ATG9A: variants seen among roughly 807,000 people sequenced by gnomAD.
ATG9A encodes autophagy-related protein 9A.
In ATG9A, 21 loss-of-function variants were observed where a neutral mutation model predicts 87.1. The observed-to-expected ratio is 0.24, with a 90% CI of 0.17 to 0.35. The LOEUF (loss-of-function observed/expected upper bound fraction) is 0.35. ATG9A is among the 10% of genes least tolerant of loss of function. ATG9A has a pLI of 1.00. For synonymous variants in ATG9A, 422 were observed against 441.3 expected, an observed-to-expected ratio of 0.96 and a Z score of 0.55; for missense variants, 836 against 1,107.3, an observed-to-expected ratio of 0.76 and a Z score of 3.48.
Position 219,224,518 on chromosome 2 carries a change from G to A in ATG9A, c.853C>T (p.Arg285Cys), listed in dbSNP as rs61747685. 3.1e-6 allele frequency: 5 copies of A among 1,614,048 alleles called. No individual in the cohort carries two copies. The highest frequency in any genetic ancestry group is 2.2e-5 in the South Asian group (2 of 91,080). The change falls in exon 8 of 16, where the codon CGC (arginine) becomes TGC (cysteine). Residue 285 changes from arginine (R) to cysteine (C), a missense_variant. Coordinates refer to ENST00000361242, the MANE Select transcript of ATG9A (RefSeq NM_001077198.3). The surrounding 1 kb of genome is among the most constrained non-coding windows in gnomAD (Gnocchi z 7.7). ...RGGQRLELAQ[R>C]LSNRILWIGI... Reference sequence around the variant, plus strand: ...ATCCACAGGATGCGGTTGCTGAGGCGCTGGGCCAGCTCTAGCCGTTGCCCC... The same window carrying A: ...ATCCACAGGATGCGGTTGCTGAGGCACTGGGCCAGCTCTAGCCGTTGCCCC...
Position 219,222,436 on chromosome 2 carries a change from G to C in ATG9A, c.1863C>G (p.Ile621Met). 1.3e-6 allele frequency: 2 copies of C among 1,569,898 alleles called. No homozygotes were observed. The highest frequency in any genetic ancestry group is 2.2e-5 in the East Asian group (1 of 44,506). The change falls in exon 12 of 16, where the codon ATC (isoleucine) becomes ATG (methionine). Residue 621 changes from isoleucine (I) to methionine (M), a missense_variant. Ile to Met is a conservative substitution (Grantham distance 10). Around this residue, in one of 2 missense-constraint regions of ATG9A, gnomAD observed 324 missense variants for 347.6 expected, o/e 0.93. Transcript: ENST00000361242. The surrounding 1 kb of genome is among the most constrained non-coding windows in gnomAD (Gnocchi z 4.3). ...AGGATGAGCCAGCTACCACATTTGC[G>C]ATAAGGCTCAGGGGCTATGAACGAA... Reference protein sequence around the residue: ...LQSESEPLSLIANVVAGSSCR... With the variant: ...LQSESEPLSLMANVVAGSSCR...
chr2:219,220,985 C>T (rs1362580869), intron 14 of ATG9A, 93 bp from the exon 15 acceptor site: 4 of 1,592,068 alleles, frequency 2.5e-6, no homozygotes, highest in Non-Finnish European at 2.6e-6. Context: ...AGTCTTTGGG[C>T]CTGTTCTCTC....
chr2:219,221,279 A>C lies in ATG9A; in HGVS notation c.2169T>G (p.Ala723=), dbSNP rs1476871102. Residue 723 remains alanine (A), a synonymous_variant, in exon 14 of 16, where the codon GCT becomes GCG. Transcript: ENST00000361242. Reference sequence around the variant, plus strand: ...GGTGCCATACATGCCGCTCAGGTTCAGCCTGGGCCTGCTGCTTGTGGAGCT... The same window carrying C: ...GGTGCCATACATGCCGCTCAGGTTCCGCCTGGGCCTGCTGCTTGTGGAGCT... ...MHQLHKQQAQ[A]EPERHVWHRR... 4 of 1,565,042 alleles carry C rather than the reference A, an allele frequency of 2.6e-6. No homozygotes were observed. The African/African-American group carries it at 4.1e-5, about 16-fold the overall frequency.
rs1382701842 is a variant in ATG9A at position 219,224,399 on chromosome 2, C to T, written c.972G>A (p.Pro324=). ...ACCAGCAGCGTGCTCCCAGGGCCCC[C>T]GGCTCCCGCTTCAGCACCTCAGCAT... is the stretch of plus-strand genomic sequence containing the variant. The part of the protein sequence containing the change: ...FSYAEVLKRE[P]GALGARCWSL... Residue 324 remains proline, a synonymous_variant, in exon 8 of 16, where the codon CCG becomes CCA. Transcript: ENST00000361242. This position sits in a 1 kb window ranked among gnomAD's most constrained non-coding sequence, Gnocchi z 7.7. The T allele has an allele frequency of 3.1e-6, 5 of 1,613,948 alleles. No homozygotes were observed. The highest frequency in any genetic ancestry group is 2.2e-5 in the East Asian group (1 of 44,882).
chr2:219,227,776 G>T lies in ATG9A; in HGVS notation c.141C>A (p.Phe47Leu). Reference sequence around the variant, plus strand: ...TCAGAAACACAAAGGATATTCGAGAGAAGAAGAGGTCAAGGTTTTCAATAT... The same window carrying T: ...TCAGAAACACAAAGGATATTCGAGATAAGAAGAGGTCAAGGTTTTCAATAT... The part of the protein sequence containing the change: ...WHHIENLDLF[F>L]SRVYNLHQKN... The change falls in exon 4 of 16, where the codon TTC becomes TTA. Residue 47 changes from phenylalanine (F) to leucine (L), a missense_variant. This residue lies in a region of ATG9A where 512 missense variants were observed against 759.6 expected (regional missense o/e 0.67). Transcript: ENST00000361242. 6.2e-7 allele frequency: 1 copy of T among 1,614,086 alleles called. No homozygotes were observed. Among genetic ancestry groups the T allele is most frequent in the Non-Finnish European group, 8.5e-7 (1 of 1,179,936 alleles).
At chr2:219,220,522 AACC>A in intron 15 of ATG9A, 70 bp from the exon 16 acceptor site, 3 of 1,595,658 alleles carry the variant, frequency 1.9e-6, no homozygotes, top group Non-Finnish European at 2.6e-6. Flanking sequence ...GCCCCATAGA[AACC>A]TAGAGGTAAA....
At position 219,222,191 on chromosome 2, in the gene ATG9A, C is replaced by T. The variant is rs778410473; in HGVS notation, c.2028-24G>A. 14 of 1,613,148 alleles carry T rather than the reference C, an allele frequency of 8.7e-6. No homozygotes were observed. The South Asian group carries it at 1.4e-4, about 16-fold the overall frequency. ...CCCTGTCTCTCCCAACAGAGACAGA[C>T]AGCAGCTGTGAACTTCTCTGAGACC... On this transcript the variant is annotated intron_variant, in intron 12 of 15. Transcript: ENST00000361242. This position sits in a 1 kb window ranked among gnomAD's most constrained non-coding sequence, Gnocchi z 4.3.
In ATG9A at chr2:219,224,627, C is replaced by T; in HGVS notation, c.744G>A (p.Lys248=). The T allele has an allele frequency of 1.9e-6, 3 of 1,614,204 alleles. No homozygotes were observed. The highest frequency in any genetic ancestry group is 2.5e-6 in the Non-Finnish European group (3 of 1,180,044). Reference sequence around the variant, plus strand: ...AGAAGAGGATCAGCTCAAAGTTGTACTTGAGACCACGGGTGAAGAAGACAG... The same window carrying T: ...AGAAGAGGATCAGCTCAAAGTTGTATTTGAGACCACGGGTGAAGAAGACAG... ...GEAVFFTRGL[K]YNFELILFWG... The change falls in exon 8 of 16, where the codon AAG becomes AAA. Residue 248 remains lysine (K), a synonymous_variant. Coordinates refer to ENST00000361242, the MANE Select transcript of ATG9A (RefSeq NM_001077198.3). This position sits in a 1 kb window ranked among gnomAD's most constrained non-coding sequence, Gnocchi z 7.7.
At position 219,224,608 on chromosome 2, in the gene ATG9A, G is replaced by A. The variant is rs964785045; in HGVS notation, c.763C>T (p.Leu255Phe). The A allele has an allele frequency of 2.5e-6, 4 of 1,614,078 alleles. No homozygotes were observed. The highest frequency in any genetic ancestry group is 2.7e-5 in the African/African-American group (2 of 74,940). The stretch of plus-strand genomic sequence containing the variant: ...AACAGAGAGCCAGGTCCCCAGAAGA[G>A]GATCAGCTCAAAGTTGTACTTGAGA... ...RGLKYNFELI[L>F]FWGPGSLFLN... The change falls in exon 8 of 16, where the codon CTC becomes TTC. Residue 255 changes from leucine (L) to phenylalanine (F), a missense_variant. Physicochemically the swap from Leu to Phe is conservative, Grantham distance 22. Around this residue, in one of 2 missense-constraint regions of ATG9A, gnomAD observed 512 missense variants for 759.6 expected, o/e 0.67. Coordinates refer to ENST00000361242, the MANE Select transcript of ATG9A (RefSeq NM_001077198.3). This position sits in a 1 kb window ranked among gnomAD's most constrained non-coding sequence, Gnocchi z 7.7.
At chr2:219,221,923 G>A (rs1227174654) in intron 13 of ATG9A, 127 bp downstream of exon 13, 3 of 813,170 alleles carry the variant, frequency 3.7e-6, no homozygotes. Flanking sequence ...TAGCTAAAAA[G>A]GATATTAAGA....
chr2:219,224,931 G>A lies in ATG9A; in HGVS notation c.517-77C>T, dbSNP rs1009564311. Reference sequence around the variant, plus strand: ...TCGACCCCTTTGCCCTATATTAGAAGTGAGATTCAGGGGTTGTGAGCTTAA... The same window carrying A: ...TCGACCCCTTTGCCCTATATTAGAAATGAGATTCAGGGGTTGTGAGCTTAA... On this transcript the variant is annotated intron_variant, in intron 7 of 15. Coordinates refer to ENST00000361242, the MANE Select transcript of ATG9A (RefSeq NM_001077198.3). This position sits in a 1 kb window ranked among gnomAD's most constrained non-coding sequence, Gnocchi z 7.7. 4 of 1,580,652 alleles carry A rather than the reference G, an allele frequency of 2.5e-6. No individual in the cohort carries two copies. Among genetic ancestry groups the A allele is most frequent in the African/African-American group, 2.7e-5 (2 of 74,356 alleles).
rs927279298 is a variant in ATG9A at position 219,223,174 on chromosome 2, G to A, written c.1600-281C>T. Among the ~76,000 whole-genome samples, 15 of 147,656 alleles carry A rather than the reference G, an allele frequency of 1.0e-4. No homozygotes were observed. The highest frequency in any genetic ancestry group is 2.1e-4 in the South Asian group (1 of 4,678). On this transcript the variant is annotated intron_variant, in intron 10 of 15. Coordinates refer to ENST00000361242, the MANE Select transcript of ATG9A (RefSeq NM_001077198.3). The surrounding 1 kb of genome is among the most constrained non-coding windows in gnomAD (Gnocchi z 4.7). Reference sequence around the variant, plus strand: ...GTGATCTCGGCTCACTGCAAGCTCCGCCTCCCAGGTTCACGCCATTCTCCT... The same window carrying A: ...GTGATCTCGGCTCACTGCAAGCTCCACCTCCCAGGTTCACGCCATTCTCCT...
chr2:219,223,358 G>A lies in ATG9A; in HGVS notation c.1599+227C>T, dbSNP rs1278790043. 2.0e-5 allele frequency among the ~76,000 whole-genome samples: 3 copies of A among 152,114 alleles called. No homozygotes were observed. The highest frequency in any genetic ancestry group is 7.2e-5 in the African/African-American group (3 of 41,420). On this transcript the variant is annotated intron_variant, in intron 10 of 15. Coordinates refer to ENST00000361242, the MANE Select transcript of ATG9A (RefSeq NM_001077198.3). The surrounding 1 kb of genome is among the most constrained non-coding windows in gnomAD (Gnocchi z 4.7). ...CCGCCTTGGCCTCCCAAAGTGCTGG[G>A]ATTACAGACGTGAGCCACCGCGCCT...
chr2:219,226,862 T>C lies in ATG9A; in HGVS notation c.212+7A>G, dbSNP rs779074890. The C allele has an allele frequency of 3.7e-6, 6 of 1,608,674 alleles. 1 individual carries two copies. The highest frequency in any genetic ancestry group is 2.2e-5 in the South Asian group (2 of 90,980). On this transcript the variant is annotated splice_region_variant and intron_variant, in intron 5 of 15. Transcript: ENST00000361242. ...TCACCACATCATCTGTCCCTTCTTA[T>C]ACTTACATGAGCTCAAAGATCTCCC...
chr2:219,223,941 A>G lies in ATG9A; in HGVS notation c.1347T>C (p.Pro449=), dbSNP rs1950814219. ...GGTGGGCATTACCCTGCCAGTGGTC[A>G]GGCATGTAGTGGATGTGAGCGAGGA... is the stretch of plus-strand genomic sequence containing the variant. ...RVILAHIHYM[P]DHWQGNAHRS... is the part of the protein sequence containing the mutation. The change falls in exon 9 of 16, where the codon CCT becomes CCC. Residue 449 remains proline, a synonymous_variant. Coordinates refer to ENST00000361242, the MANE Select transcript of ATG9A (RefSeq NM_001077198.3). This position sits in a 1 kb window ranked among gnomAD's most constrained non-coding sequence, Gnocchi z 4.7. 2.5e-6 allele frequency: 4 copies of G among 1,614,212 alleles called. No individual in the cohort carries two copies. Among genetic ancestry groups the G allele is most frequent in the Non-Finnish European group, 3.4e-6 (4 of 1,180,028 alleles).
At position 219,223,537 on chromosome 2, in the gene ATG9A, A is replaced by T; in HGVS notation, c.1599+48T>A. The T allele has an allele frequency of 6.5e-7, 1 of 1,541,310 alleles. No homozygotes were observed. The highest frequency in any genetic ancestry group is 1.4e-5 in the African/African-American group (1 of 72,458). ...TTTGCGGTTTTCCCAAAGACACTGT[A>T]TGTTCCAGCATCATCCCAGGCCACC... is the stretch of plus-strand genomic sequence containing the variant. On this transcript the variant is annotated intron_variant, in intron 10 of 15. Coordinates refer to ENST00000361242, the MANE Select transcript of ATG9A (RefSeq NM_001077198.3). The surrounding 1 kb of genome is among the most constrained non-coding windows in gnomAD (Gnocchi z 4.7).
rs766008146 is a variant in ATG9A, at chr2:219,225,442, C to T, written c.343G>A (p.Ala115Thr). The T allele has an allele frequency of 6.2e-6, 10 of 1,614,040 alleles. No individual in the cohort carries two copies. The highest frequency in any genetic ancestry group is 4.5e-5 in the East Asian group (2 of 44,900). The change falls in exon 6 of 16, where the codon GCC (alanine) becomes ACC (threonine). Residue 115 changes from alanine (A) to threonine (T), a missense_variant. Ala to Thr is a moderately conservative substitution (Grantham distance 58). Around this residue, in one of 2 missense-constraint regions of ATG9A, gnomAD observed 512 missense variants for 759.6 expected, o/e 0.67. Transcript: ENST00000361242. ...TEPVKVTLPD[A>T]FLPAQVCSAR... ...CTACAGACTTGAGCAGGCAAAAAGG[C>T]GTCTGGCAGAGTGACCTTGACGGGT...
At chr2:219,225,702 G>A (rs1950847071) in intron 5 of ATG9A, 130 bp from the exon 6 acceptor site, 10 of 982,328 alleles carry the variant, frequency 1.0e-5, no homozygotes, top group Non-Finnish European at 1.5e-5. Context: ...ACTCCCAGTG[G>A]GCCCTCTCTG....
Position 219,222,919 on chromosome 2 carries a change from A to T in ATG9A, c.1600-26T>A, listed in dbSNP as rs1167425456. 1 of 1,611,816 alleles carries T rather than the reference A, an allele frequency of 6.2e-7. No individual in the cohort carries two copies. Among genetic ancestry groups the T allele is most frequent in the South Asian group, 1.1e-5 (1 of 91,010 alleles). On this transcript the variant is annotated intron_variant, in intron 10 of 15. Coordinates refer to ENST00000361242, the MANE Select transcript of ATG9A (RefSeq NM_001077198.3). The surrounding 1 kb of genome is among the most constrained non-coding windows in gnomAD (Gnocchi z 4.3). ...CTGCACAAGGAAGAGCAGAGTAAGC[A>T]GGGCTGTTCTCTTCCAGGAGCCTTC...
Sources: allele counts gnomAD v4.1 joint callset (sites outside exome capture counted in the v4.1 genomes callset), GRCh38; gene constraint gnomAD v4.1.1; regional missense constraint gnomAD v4.1.1; non-coding constraint Gnocchi (gnomAD v3.1); transcripts MANE v1.5; gene names NCBI Gene and HGNC (gene_info 2026-07-23, HGNC 2026-07-21).